Variants in SHROOM3 observed in about 807,000 individuals in gnomAD.
SHROOM3 encodes protein Shroom3.
A neutral mutation model predicts 138.6 loss-of-function variants in SHROOM3; 47 were observed. The ratio of observed to expected loss-of-function variants is 0.34; its 90% confidence interval spans 0.27 to 0.43. The LOEUF is 0.43. SHROOM3 is among the 20% of genes least tolerant of loss of function. SHROOM3 has a pLI of 1.00. For missense variants in SHROOM3, 2,491 were observed against 2,596.5 expected (o/e 0.96, Z 0.88); for synonymous variants, 1,062 against 1,063.3 (o/e 1.00, Z 0.02).
At chr4:76,468,516 A>G (rs1277326574) in intron 1 of SHROOM3, among the ~76,000 whole-genome samples, 1 of 151,820 alleles carries the variant, frequency 6.6e-6, no homozygotes, top group African/African-American at 2.4e-5. Context: ...CTTAGCTATT[A>G]TTTTTATAAT....
intron 6 of SHROOM3, among the ~76,000 whole-genome samples, chr4:76,749,906 C>T (rs147179592): frequency 6.7e-4 from 102 of 152,256 alleles, no homozygotes; most frequent in African/African-American, 2.4e-3. Context: ...CTACTATAAT[C>T]TATTATTACT....
intron 1 of SHROOM3, chr4:76,509,544 C>T (rs1247764907): frequency 6.6e-6 from 1 of 152,312 alleles, no homozygotes; most frequent in African/African-American, 2.4e-5. Flanking sequence ...ATCATCTGGC[C>T]TGTTGCTGCC....
At chr4:76,440,796 C>A (rs1444513199) in intron 1 of SHROOM3, among the ~76,000 whole-genome samples, 2 of 152,154 alleles carry the variant, frequency 1.3e-5, no homozygotes, top group African/African-American at 2.4e-5. Context: ...GATTTCTACT[C>A]CCCTGGAAGG....
chr4:76,501,283 A>G (rs772457537), intron 1 of SHROOM3, among the ~76,000 whole-genome samples: 6 of 152,144 alleles, frequency 3.9e-5, no homozygotes, highest in Non-Finnish European at 7.4e-5. Context: ...AGATGTTTTT[A>G]ATTTTAATAT....
chr4:76,739,787 G>A lies in SHROOM3; in HGVS notation c.1614G>A (p.Leu538=), dbSNP rs765583532. Residue 538 remains leucine, a synonymous_variant, in exon 5 of 11, where the codon TTG becomes TTA. Coordinates refer to ENST00000296043, the MANE Select transcript of SHROOM3 (RefSeq NM_020859.4). ...TCTGCCAGCCCTTAGAACATGACTT[G>A]CTGTCCCCAGTGGAGAAGAAACCAG... ...FAFCQPLEHD[L]LSPVEKKPEA... 3 of 1,614,192 alleles carry A rather than the reference G, an allele frequency of 1.9e-6. No individual in the cohort carries two copies. In the South Asian group the frequency reaches 3.3e-5, roughly 18 times the overall value.
In SHROOM3 at chr4:76,741,141, C is replaced by G; in HGVS notation, c.2968C>G (p.Pro990Ala). The G allele has an allele frequency of 6.4e-7, 1 of 1,562,346 alleles. No homozygotes were observed. Among genetic ancestry groups the G allele is most frequent in the South Asian group, 1.2e-5 (1 of 85,358 alleles). ...HTPRERHSVT[P>A]AEGDLARPVP... Reference sequence around the variant, plus strand: ...GCCCCGGGAGCGGCACAGCGTGACCCCTGCTGAGGGCGACCTGGCCAGGCC... The same window carrying G: ...GCCCCGGGAGCGGCACAGCGTGACCGCTGCTGAGGGCGACCTGGCCAGGCC... Residue 990 changes from proline to alanine, a missense_variant, in exon 5 of 11, where the codon CCT becomes GCT. Transcript: ENST00000296043. The surrounding 1 kb of genome is among the most constrained non-coding windows in gnomAD (Gnocchi z 6.2).
chr4:76,603,746 CA>C (rs1734557498), intron 2 of SHROOM3, among the ~76,000 whole-genome samples: 1 of 151,684 alleles, frequency 6.6e-6, no homozygotes, highest in Non-Finnish European at 1.5e-5. Flanking sequence ...CCCAACCCTG[CA>C]AAAGGTCCTG....
intron 1 of SHROOM3, among the ~76,000 whole-genome samples, chr4:76,544,301 C>T (rs1733164886): frequency 6.6e-6 from 1 of 150,596 alleles, no homozygotes; most frequent in Admixed American, 6.6e-5. Context: ...ACTTTTAAAA[C>T]ACTTATATCA....
intron 2 of SHROOM3, among the ~76,000 whole-genome samples, chr4:76,584,305 A>G (rs1560554219): frequency 6.6e-6 from 1 of 152,008 alleles, no homozygotes; most frequent in Non-Finnish European, 1.5e-5. Flanking sequence ...CGACAGAGCA[A>G]GACTGCATCT....
In SHROOM3 at chr4:76,488,102, T is replaced by C. The variant is rs116403519; in HGVS notation, c.168+51882T>C. 5.9e-3 allele frequency among the ~76,000 whole-genome samples: 896 copies of C among 152,314 alleles called. 7 individuals are homozygous for C. The highest frequency in any genetic ancestry group is 0.021 in the African/African-American group (864 of 41,566). On this transcript the variant is annotated intron_variant, in intron 1 of 10. Transcript: ENST00000296043. ...AATCTTAGCTTCTAGTATTGTGCTA[T>C]TGGAGTTATTATTGAGGATGATAAA...
intron 2 of SHROOM3, among the ~76,000 whole-genome samples, chr4:76,665,303 G>T (rs777016535): frequency 2.0e-5 from 3 of 152,236 alleles, no homozygotes; most frequent in East Asian, 1.9e-4. Context: ...GATCCATGGG[G>T]TTTTTTTAAT....
intron 2 of SHROOM3, among the ~76,000 whole-genome samples, chr4:76,699,631 G>C (rs1719847890): frequency 1.3e-5 from 2 of 152,258 alleles, no homozygotes; most frequent in Admixed American, 6.5e-5. Flanking sequence ...TGTTTTGTGG[G>C]AACAGGGAAG....
chr4:76,774,461 A>C (rs1265042825), intron 10 of SHROOM3, among the ~76,000 whole-genome samples: 1 of 152,188 alleles, frequency 6.6e-6, no homozygotes, highest in African/African-American at 2.4e-5. Flanking sequence ...AGTATCTATA[A>C]GGCTTTAACT....
At chr4:76,442,793 T>TTCTC (rs370103075) in intron 1 of SHROOM3, among the ~76,000 whole-genome samples, 1 of 151,822 alleles carries the variant, frequency 6.6e-6, no homozygotes, top group African/African-American at 2.4e-5. Context: ...TTGATTCCTT[T>TTCTC]TCTCTCTCTC....
At chr4:76,700,261 C>T (rs1395166463) in intron 2 of SHROOM3, among the ~76,000 whole-genome samples, 2 of 152,218 alleles carry the variant, frequency 1.3e-5, no homozygotes, top group Non-Finnish European at 2.9e-5. Flanking sequence ...TCTGTTTCCT[C>T]ATGAATAAAG....
intron 1 of SHROOM3, among the ~76,000 whole-genome samples, chr4:76,474,364 G>A (rs911748498): frequency 2.6e-5 from 4 of 152,104 alleles, no homozygotes; most frequent in Admixed American, 6.6e-5. Flanking sequence ...TTAGATAGTG[G>A]TAAGATTGTA....
At chr4:76,564,680 G>A (rs1733662830) in intron 2 of SHROOM3, among the ~76,000 whole-genome samples, 1 of 152,126 alleles carries the variant, frequency 6.6e-6, no homozygotes. Flanking sequence ...GGTTACATAT[G>A]CTTACTGGCT....
chr4:76,659,335 G>T (rs998463947), intron 2 of SHROOM3, among the ~76,000 whole-genome samples: 1 of 152,212 alleles, frequency 6.6e-6, no homozygotes, highest in East Asian at 1.9e-4. Flanking sequence ...CTTGCCAAGA[G>T]GCCAGGCCCC....
At chr4:76,613,733 A>C (rs915951115) in intron 2 of SHROOM3, among the ~76,000 whole-genome samples, 4 of 152,178 alleles carry the variant, frequency 2.6e-5, no homozygotes, top group Admixed American at 2.0e-4. Flanking sequence ...ATCTGAGAAG[A>C]GGGCTGGGGG....
Sources: gnomAD v4.1 joint callset for allele counts (sites outside exome capture counted in the v4.1 genomes callset) on GRCh38, gnomAD v4.1.1 for gene constraint, Gnocchi (gnomAD v3.1) non-coding constraint, MANE v1.5 for transcripts, NCBI Gene and HGNC (gene_info 2026-07-23, HGNC 2026-07-21) for gene names.